The following FGF12 variants were observed in gnomAD, a reference collection of about 807,000 sequenced individuals.
The protein encoded by FGF12 is fibroblast growth factor 12.
FGF12 carries 14 observed loss-of-function variants against 23.6 expected under a neutral mutation model. The ratio of observed to expected loss-of-function variants is 0.59; its 90% CI spans 0.39 to 0.93. The LOEUF is 0.93. Among genes scored for constraint, FGF12 ranks in the 40% least tolerant of loss-of-function variants. The pLI is 0.00. For missense variants in FGF12, 175 were observed against 217.8 expected, an observed-to-expected ratio of 0.80 and a Z score of 1.24; for synonymous variants, 62 against 77.3, an observed-to-expected ratio of 0.80 and a Z score of 1.04.
intron 2 of FGF12, among the ~76,000 whole-genome samples, chr3:192,387,910 A>G (rs1720117336): frequency 6.6e-6 from 1 of 152,150 alleles, no homozygotes; most frequent in East Asian, 1.9e-4. Context: ...GTAACAAGAT[A>G]GAAATGTCAT....
intron 2 of FGF12, among the ~76,000 whole-genome samples, chr3:192,482,069 A>G (rs781663036): frequency 4.6e-5 from 7 of 152,176 alleles, no homozygotes; most frequent in Non-Finnish European, 8.8e-5. Context: ...TCATTATCAC[A>G]AGCCAACCTT....
intron 2 of FGF12, among the ~76,000 whole-genome samples, chr3:192,519,610 C>T (rs750037664): frequency 3.3e-5 from 5 of 152,002 alleles, no homozygotes; most frequent in African/African-American, 9.7e-5. Context: ...TCCTATTTTT[C>T]CTCAAACTTT....
At chr3:192,569,628 G>T (rs879435795) in intron 2 of FGF12, among the ~76,000 whole-genome samples, 1 of 152,158 alleles carries the variant, frequency 6.6e-6, no homozygotes, top group South Asian at 2.1e-4. Flanking sequence ...AAGATTTATC[G>T]CAGGTAGCCA....
At chr3:192,428,855 TG>T (rs1364003440) in intron 2 of FGF12, among the ~76,000 whole-genome samples, 1 of 152,148 alleles carries the variant, frequency 6.6e-6, no homozygotes, top group East Asian at 1.9e-4. Context: ...AGTCTGCATA[TG>T]GCAATCCTTC....
At chr3:192,229,571 A>G (rs566555841) in intron 4 of FGF12, among the ~76,000 whole-genome samples, 17 of 152,192 alleles carry the variant, frequency 1.1e-4, no homozygotes, top group African/African-American at 4.1e-4. Flanking sequence ...GAGGTCAACT[A>G]TCACTATTAA....
intron 2 of FGF12, among the ~76,000 whole-genome samples, chr3:192,583,419 A>T (rs954236859): frequency 3.3e-5 from 5 of 152,224 alleles, no homozygotes; most frequent in Admixed American, 2.6e-4. Context: ...CTAAAAAAAT[A>T]CTTTTGGCAG....
Position 192,392,413 on chromosome 3 carries a change from A to AT in FGF12, c.14-31876_14-31875insA, listed in dbSNP as rs1184342811. Among the ~76,000 whole-genome samples, 50 of 127,594 alleles carry AT rather than the reference A, an allele frequency of 3.9e-4. 1 individual carries two copies. The highest frequency in any genetic ancestry group is 1.6e-3 in the African/African-American group (49 of 30,038). 83.7% of individuals were successfully genotyped at this position (127,594 alleles called of 152,430 possible). A position where few individuals can be genotyped will look rare whatever the true frequency, so the allele number is the denominator to read the frequency against. On this transcript the variant is annotated intron_variant, in intron 2 of 5. Transcript: ENST00000445105. Reference sequence around the variant, plus strand: ...AGAAACCCCGTCTCTACTAAAAATAAAAAATAAATAAATAAATAAATAAAT... The same window carrying AT: ...AGAAACCCCGTCTCTACTAAAAATAATAAAATAAATAAATAAATAAATAAAT...
At chr3:192,168,244 A>C (rs571708036) in intron 5 of FGF12, among the ~76,000 whole-genome samples, 3 of 152,224 alleles carry the variant, frequency 2.0e-5, no homozygotes, top group Non-Finnish European at 4.4e-5. Flanking sequence ...TGAACAAATA[A>C]AAATGATGCA....
At chr3:192,254,081 A>G (rs1448938743) in intron 4 of FGF12, among the ~76,000 whole-genome samples, 1 of 151,902 alleles carries the variant, frequency 6.6e-6, no homozygotes, top group Non-Finnish European at 1.5e-5. Flanking sequence ...ATACATTGTT[A>G]TTAGCTATAG....
chr3:192,421,482 A>G (rs1399864779), intron 2 of FGF12, among the ~76,000 whole-genome samples: 1 of 152,116 alleles, frequency 6.6e-6, no homozygotes, highest in Non-Finnish European at 1.5e-5. Flanking sequence ...ATGGAACACT[A>G]TGCAGCCATA....
At chr3:192,707,672 G>A (rs1042647048) in intron 2 of FGF12, among the ~76,000 whole-genome samples, 3 of 147,908 alleles carry the variant, frequency 2.0e-5, no homozygotes, top group African/African-American at 7.6e-5. Context: ...CTTGAACTTG[G>A]GAGGTGGAGA....
chr3:192,571,621 C>T (rs1712639323), intron 2 of FGF12, among the ~76,000 whole-genome samples: 1 of 152,226 alleles, frequency 6.6e-6, no homozygotes, highest in South Asian at 2.1e-4. Context: ...TAAAATAAAT[C>T]TGTCAGACTG....
chr3:192,167,268 C>T (rs1237769347), intron 5 of FGF12, among the ~76,000 whole-genome samples: 1 of 151,858 alleles, frequency 6.6e-6, no homozygotes, highest in Non-Finnish European at 1.5e-5. Context: ...TGGCAGTTAC[C>T]ATGGACAACT....
At chr3:192,716,728 T>C (rs1718878487) in intron 2 of FGF12, among the ~76,000 whole-genome samples, 1 of 152,234 alleles carries the variant, frequency 6.6e-6, no homozygotes, top group Non-Finnish European at 1.5e-5. Context: ...CTTGGTTCTT[T>C]ATATATATTT....
chr3:192,167,136 C>A (rs1055644146), intron 5 of FGF12, among the ~76,000 whole-genome samples: 28 of 120,704 alleles, frequency 2.3e-4, no homozygotes, highest in African/African-American at 7.8e-4. Context: ...CCCCTAGTCA[C>A]AGAACATTTA....
Position 192,480,880 on chromosome 3 carries a change from T to G in FGF12, c.14-120342A>C, listed in dbSNP as rs113226100. On this transcript the variant is annotated intron_variant, in intron 2 of 5. Transcript: ENST00000445105. ...ACATTCACCCATTACTATTGATTGA[T>G]CAAAGTGTTTTCTTTGTCTGCATGC... 2.6e-3 allele frequency among the ~76,000 whole-genome samples: 394 copies of G among 152,206 alleles called. 4 individuals are homozygous for G. Among genetic ancestry groups the G allele is most frequent in the African/African-American group, 9.0e-3 (375 of 41,450 alleles).
intron 2 of FGF12, among the ~76,000 whole-genome samples, chr3:192,403,780 C>T (rs1720854584): frequency 6.6e-6 from 1 of 152,014 alleles, no homozygotes; most frequent in South Asian, 2.1e-4. Flanking sequence ...ATTATTTCAC[C>T]TTTACTGTCA....
chr3:192,298,674 G>C (rs1223015723), intron 4 of FGF12, among the ~76,000 whole-genome samples: 1 of 152,166 alleles, frequency 6.6e-6, no homozygotes, highest in Non-Finnish European at 1.5e-5. Flanking sequence ...TTGAACCCAG[G>C]AGGTGGAGGT....
chr3:192,315,245 T>C (rs1716168358), intron 4 of FGF12, among the ~76,000 whole-genome samples: 1 of 152,210 alleles, frequency 6.6e-6, no homozygotes, highest in Non-Finnish European at 1.5e-5. Context: ...TCACAGGTGT[T>C]TAAAATTTGT....
Sources: allele counts gnomAD v4.1 joint callset (sites outside exome capture counted in the v4.1 genomes callset), GRCh38; gene constraint gnomAD v4.1.1; transcripts MANE v1.5; gene names NCBI Gene and HGNC (gene_info 2026-07-23, HGNC 2026-07-21).